The following SMAD7 variants were observed in gnomAD, a reference collection of about 807,000 sequenced individuals.
SMAD7 encodes the protein MAD (mothers against decapentaplegic, Drosophila) homolog 7.
A neutral mutation model predicts 38.7 loss-of-function variants in SMAD7; 8 were observed. That is an observed-to-expected ratio of 0.21 (90% CI 0.12 to 0.37). The LOEUF is 0.37. SMAD7 is among the 10% of genes least tolerant of loss of function. The probability of loss-of-function intolerance (pLI) is 1.00; values close to 1 mark genes in which losing one functional copy is unlikely to be tolerated. For missense variants in SMAD7, 477 were observed against 577.9 expected (o/e 0.83, Z 1.79); for synonymous variants, 327 against 265.1 (o/e 1.23, Z -2.27).
At chr18:48,928,234 G>T (rs1020414626) in intron 3 of SMAD7, among the ~76,000 whole-genome samples, 5 of 152,160 alleles carry the variant, frequency 3.3e-5, no homozygotes, top group African/African-American at 1.2e-4. Flanking sequence ...GGCCCCATGG[G>T]CCCCCTTCTG....
rs145107131 is a variant in SMAD7 at position 48,946,187 on chromosome 18, A to G, written c.667+2197T>C. Among the ~76,000 whole-genome samples, 1,459 of 152,318 alleles carry G rather than the reference A, an allele frequency of 9.6e-3. 34 individuals carry two copies. Among genetic ancestry groups the G allele is most frequent in the African/African-American group, 0.033 (1,351 of 41,554 alleles). ...ATTCCTTTAGTTGTGCAACTGGTTA[A>G]GATTTTAACAGTTGTCCACTGTAAA... On this transcript the variant is annotated intron_variant, in intron 2 of 3. Transcript: ENST00000262158.
At chr18:48,948,768 T>C (rs1054691445) in intron 1 of SMAD7, among the ~76,000 whole-genome samples, 7 of 152,170 alleles carry the variant, frequency 4.6e-5, no homozygotes, top group African/African-American at 1.7e-4. Context: ...GTCCTCGGAC[T>C]CCAGACCCAG....
intron 2 of SMAD7, among the ~76,000 whole-genome samples, chr18:48,943,238 C>T (rs2070162276): frequency 6.6e-6 from 1 of 152,192 alleles, no homozygotes; most frequent in South Asian, 2.1e-4. Flanking sequence ...TCTCTGGAAA[C>T]CTTCCCAGGC....
intron 3 of SMAD7, among the ~76,000 whole-genome samples, chr18:48,936,839 G>A (rs1307090950): frequency 1.3e-5 from 2 of 152,168 alleles, no homozygotes; most frequent in East Asian, 3.9e-4. Context: ...CAGCACTTTG[G>A]GAGGCCAAGG....
In SMAD7 at chr18:48,950,140, G is replaced by A; in HGVS notation, c.285C>T (p.Leu95=). ...AGGAEADLKA[L]THSVLKKLKE... ...TCAGTTTCTTGAGCACCGAGTGCGTGAGCGCCTTCAGATCCGCCTCGGCGC... is the reference window on the plus strand; with the variant it reads ...TCAGTTTCTTGAGCACCGAGTGCGTAAGCGCCTTCAGATCCGCCTCGGCGC... Residue 95 remains leucine, a synonymous_variant, in exon 1 of 4, where the codon CTC becomes CTT. Coordinates refer to ENST00000262158, the MANE Select transcript of SMAD7 (RefSeq NM_005904.4). 4.0e-6 allele frequency: 6 copies of A among 1,496,356 alleles called. No homozygotes were observed. The highest frequency in any genetic ancestry group is 5.3e-6 in the Non-Finnish European group (6 of 1,126,698). The allele number at this position is 1,496,356 out of a possible 1,614,324, so 92.7% of individuals were successfully genotyped here.
chr18:48,936,726 A>C (rs1318601813), intron 3 of SMAD7, among the ~76,000 whole-genome samples: 2 of 152,156 alleles, frequency 1.3e-5, no homozygotes, highest in African/African-American at 4.8e-5. Flanking sequence ...CGAAGGAAGT[A>C]AAGACCAGCC....
At chr18:48,937,023 G>A (rs1830726200) in intron 3 of SMAD7, among the ~76,000 whole-genome samples, 1 of 151,784 alleles carries the variant, frequency 6.6e-6, no homozygotes, top group African/African-American at 2.4e-5. Flanking sequence ...AGGTTGCAGT[G>A]ACTCGAGATC....
chr18:48,945,680 C>T (rs964580596), intron 2 of SMAD7, among the ~76,000 whole-genome samples: 14 of 152,306 alleles, frequency 9.2e-5, no homozygotes, highest in African/African-American at 2.4e-4. Context: ...ACCAGACTTC[C>T]GATCTGGATT....
chr18:48,937,307 T>TGTGTGTGG (rs2070080977), intron 3 of SMAD7, among the ~76,000 whole-genome samples: 1 of 146,268 alleles, frequency 6.8e-6, no homozygotes, highest in Admixed American at 6.9e-5. Flanking sequence ...TGTGTGTGTG[T>TGTGTGTGG]AGGAAGTGAG....
At chr18:48,947,204 G>A (rs548259149) in intron 2 of SMAD7, among the ~76,000 whole-genome samples, 9 of 152,222 alleles carry the variant, frequency 5.9e-5, no homozygotes, top group African/African-American at 9.6e-5. Context: ...CATGCTTTGC[G>A]GGCCACTTAT....
chr18:48,933,137 G>GC (rs2070022757), intron 3 of SMAD7, among the ~76,000 whole-genome samples: 1 of 152,182 alleles, frequency 6.6e-6, no homozygotes. Flanking sequence ...ACCTACCTCT[G>GC]TTTATCCACA....
intron 2 of SMAD7, among the ~76,000 whole-genome samples, chr18:48,943,846 A>G (rs537372505): frequency 6.6e-6 from 1 of 151,918 alleles, no homozygotes; most frequent in South Asian, 2.1e-4. Flanking sequence ...CTGCCCTCTT[A>G]ATGCTAAGTT....
intron 2 of SMAD7, among the ~76,000 whole-genome samples, chr18:48,947,481 T>C (rs2070207861): frequency 6.6e-6 from 1 of 152,148 alleles, no homozygotes; most frequent in Non-Finnish European, 1.5e-5. Flanking sequence ...AAAATAAAAA[T>C]GTCCCAAGTA....
At position 48,946,438 on chromosome 18, in the gene SMAD7, G is replaced by A. The variant is rs57555091; in HGVS notation, c.667+1946C>T. ...CAGACCTGTGAGGGGGGCGGGGGGGGTGTGCTCCAGCTCCAGACCTGGCTG... is the reference window on the plus strand; with the variant it reads ...CAGACCTGTGAGGGGGGCGGGGGGGATGTGCTCCAGCTCCAGACCTGGCTG... On this transcript the variant is annotated intron_variant, in intron 2 of 3. Coordinates refer to ENST00000262158, the MANE Select transcript of SMAD7 (RefSeq NM_005904.4). Among the ~76,000 whole-genome samples, 14 of 151,132 alleles carry A rather than the reference G, an allele frequency of 9.3e-5. No homozygotes were observed. In the East Asian group the frequency reaches 2.3e-3, roughly 25 times the overall value.
intron 3 of SMAD7, among the ~76,000 whole-genome samples, chr18:48,933,186 C>T (rs544824352): frequency 1.3e-5 from 2 of 152,292 alleles, no homozygotes; most frequent in East Asian, 3.9e-4. Context: ...ACCACACAAC[C>T]AAAGCAGAAG....
intron 2 of SMAD7, among the ~76,000 whole-genome samples, chr18:48,945,155 C>T (rs899919846): frequency 2.0e-5 from 3 of 152,192 alleles, no homozygotes; most frequent in Non-Finnish European, 4.4e-5. Flanking sequence ...TCAAATGAAC[C>T]CTGGTTATAA....
intron 3 of SMAD7, among the ~76,000 whole-genome samples, chr18:48,930,632 C>A (rs374904974): frequency 6.6e-6 from 1 of 152,102 alleles, no homozygotes; most frequent in Non-Finnish European, 1.5e-5. Flanking sequence ...GTCCCCTCCC[C>A]GCTTTCTCAC....
rs1318674011 is a variant in SMAD7 at position 48,950,181 on chromosome 18, C to T, written c.244G>A (p.Ala82Thr). The change falls in exon 1 of 4, where the codon GCC becomes ACC. Residue 82 changes from alanine to threonine, a missense_variant. Physicochemically the swap from Ala to Thr is moderately conservative, Grantham distance 58. Transcript: ENST00000262158. ...HHHPHPPAAG[A>T]GAAGGAEADL... is the part of the protein sequence containing the mutation. ...GCCTCGGCGCCCCCGGCCGCGCCGG[C>T]GCCCGCGGCTGGCGGGTGGGGATGG... 8.1e-6 allele frequency: 12 copies of T among 1,483,416 alleles called. No individual in the cohort carries two copies. The East Asian group carries it at 3.5e-4, about 43-fold the overall frequency. The allele number at this position is 1,483,416 out of a possible 1,614,324, so 91.9% of individuals were successfully genotyped here. A position where few individuals can be genotyped will look rare whatever the true frequency, so the allele number is the denominator to read the frequency against.
intron 3 of SMAD7, among the ~76,000 whole-genome samples, chr18:48,932,580 G>A (rs6507877): frequency 0.51 from 77,359 of 152,012 alleles, 22,002 homozygotes; most frequent in African/African-American, 0.79. Flanking sequence ...ACGGAGGAGC[G>A]AGAAGAGTAA....
Sources: gnomAD v4.1 joint callset for allele counts (sites outside exome capture counted in the v4.1 genomes callset) on GRCh38, gnomAD v4.1.1 for gene constraint, MANE v1.5 for transcripts, NCBI Gene and HGNC (gene_info 2026-07-23, HGNC 2026-07-21) for gene names.